The following PRR5L variants were observed in gnomAD, a reference collection of about 807,000 sequenced individuals.
PRR5L encodes proline-rich protein 5-like.
In PRR5L, 21 loss-of-function variants were observed where a neutral mutation model predicts 36.4. The observed-to-expected ratio is 0.58, with a 90% CI of 0.41 to 0.83. PRR5L has a LOEUF of 0.83. Among genes scored for constraint, PRR5L ranks in the 40% least tolerant of loss-of-function variants. PRR5L has a pLI of 0.00. For missense variants in PRR5L, 381 were observed against 473.3 expected (o/e 0.80, Z 1.81); for synonymous variants, 188 against 197.0 (o/e 0.95, Z 0.38).
intron 1 of PRR5L, among the ~76,000 whole-genome samples, chr11:36,375,432 C>T (rs1857244985): frequency 1.3e-5 from 2 of 152,072 alleles, no homozygotes; most frequent in Admixed American, 1.3e-4. Context: ...CCCACAACCA[C>T]CGTAACACAT....
At chr11:36,425,282 C>G (rs1335437264) in intron 4 of PRR5L, among the ~76,000 whole-genome samples, 1 of 152,182 alleles carries the variant, frequency 6.6e-6, no homozygotes, top group Non-Finnish European at 1.5e-5. Context: ...GCCACTGAGG[C>G]TCAGAGATGG....
At chr11:36,376,291 A>G in intron 1 of PRR5L, 2 of 1,034,602 alleles carry the variant, frequency 1.9e-6, no homozygotes, top group South Asian at 3.4e-5. Context: ...GGACAGGAAA[A>G]GTGGGAGGAG....
At chr11:36,303,953 C>G (rs563241185) in intron 1 of PRR5L, among the ~76,000 whole-genome samples, 1 of 152,188 alleles carries the variant, frequency 6.6e-6, no homozygotes, top group Non-Finnish European at 1.5e-5. Flanking sequence ...CAGGAGCAGG[C>G]CTGTGTCTGC....
intron 1 of PRR5L, among the ~76,000 whole-genome samples, chr11:36,366,213 A>T (rs1163538817): frequency 3.3e-5 from 5 of 152,020 alleles, no homozygotes; most frequent in Non-Finnish European, 5.9e-5. Context: ...TTTAATCTCA[A>T]CTTCTTCATC....
chr11:36,374,105 C>CCT (rs761022162), intron 1 of PRR5L, among the ~76,000 whole-genome samples: 1,394 of 67,756 alleles, frequency 0.021, 35 homozygotes, highest in African/African-American at 0.046. Flanking sequence ...TTCCTTCCTT[C>CCT]CTCTCTCTCT....
At chr11:36,437,301 T>G in intron 5 of PRR5L, 84 bp from the exon 6 acceptor site, 1 of 932,444 alleles carries the variant, frequency 1.1e-6, no homozygotes, top group East Asian at 2.4e-5. Flanking sequence ...ACATTTTATG[T>G]GGAACTGTCT....
chr11:36,430,213 C>G (rs948691332), intron 4 of PRR5L, among the ~76,000 whole-genome samples: 8 of 152,062 alleles, frequency 5.3e-5, no homozygotes, highest in Middle Eastern at 3.2e-3. Flanking sequence ...AGTTCGAGAC[C>G]AGCCTGGCCA....
intron 1 of PRR5L, among the ~76,000 whole-genome samples, chr11:36,337,154 T>TG (rs1856776548): frequency 6.6e-6 from 1 of 152,198 alleles, no homozygotes; most frequent in South Asian, 2.1e-4. Flanking sequence ...CGCTGGGTCA[T>TG]GGGTCATTCC....
At position 36,397,443 on chromosome 11, in the gene PRR5L, CTTTTTTTTTTTTTTTT is replaced by C. The variant is rs34024197; in HGVS notation, c.-125-3539_-125-3524del. On this transcript the variant is annotated intron_variant, in intron 1 of 8. Coordinates refer to ENST00000530639, the MANE Select transcript of PRR5L (RefSeq NM_001160167.2). ...TTCATGTCAGCCAGGCAGCCGATGC[CTTTTTTTTTTTTTTTT>C]TTTTTTTTTTTTTTGAGAGAGAAGC... is the stretch of plus-strand genomic sequence containing the variant. Among the ~76,000 whole-genome samples the C allele has an allele frequency of 1.4e-4, 5 of 35,106 alleles. No individual in the cohort carries two copies. In the South Asian group the frequency reaches 5.0e-3, roughly 35 times the overall value. The allele number at this position is 35,106 out of a possible 152,430, so 23.0% of individuals were successfully genotyped here.
At chr11:36,328,638 T>G (rs535466719) in intron 1 of PRR5L, among the ~76,000 whole-genome samples, 158 of 152,258 alleles carry the variant, frequency 1.0e-3, no homozygotes, top group African/African-American at 3.7e-3. Flanking sequence ...TTACCCAGTC[T>G]CAGGTATTTC....
At chr11:36,320,013 C>T (rs1430291085) in intron 1 of PRR5L, among the ~76,000 whole-genome samples, 3 of 152,126 alleles carry the variant, frequency 2.0e-5, no homozygotes, top group Non-Finnish European at 4.4e-5. Context: ...GAGGCTGGAT[C>T]TACTCCATTA....
chr11:36,455,057 G>A (rs897847768), intron 8 of PRR5L, among the ~76,000 whole-genome samples: 1 of 152,174 alleles, frequency 6.6e-6, no homozygotes, highest in Non-Finnish European at 1.5e-5. Flanking sequence ...TCAGCAGCAC[G>A]CTCGACTTCT....
chr11:36,334,198 T>C (rs1393330387), intron 1 of PRR5L, among the ~76,000 whole-genome samples: 2 of 152,338 alleles, frequency 1.3e-5, no homozygotes, highest in East Asian at 3.9e-4. Flanking sequence ...GTAGTCTTTA[T>C]CCTGGATGGT....
At chr11:36,325,495 G>A (rs1369185635) in intron 1 of PRR5L, among the ~76,000 whole-genome samples, 1 of 152,262 alleles carries the variant, frequency 6.6e-6, no homozygotes, top group Non-Finnish European at 1.5e-5. Context: ...GACCCAAAGA[G>A]GGTAGCCGTT....
intron 1 of PRR5L, among the ~76,000 whole-genome samples, chr11:36,369,696 G>A (rs574729887): frequency 1.3e-5 from 2 of 152,154 alleles, no homozygotes; most frequent in South Asian, 4.1e-4. Flanking sequence ...CCAGGTTCAA[G>A]CGATTCTCCT....
At chr11:36,398,204 C>T (rs1013326850) in intron 1 of PRR5L, among the ~76,000 whole-genome samples, 4 of 152,220 alleles carry the variant, frequency 2.6e-5, no homozygotes, top group African/African-American at 9.6e-5. Context: ...ATAGCTCTCA[C>T]AGTCCTGGCT....
At chr11:36,340,458 T>C (rs1856807390) in intron 1 of PRR5L, among the ~76,000 whole-genome samples, 1 of 152,224 alleles carries the variant, frequency 6.6e-6, no homozygotes, top group Admixed American at 6.5e-5. Flanking sequence ...TGCGCATGCA[T>C]ATAACACTAT....
Position 36,427,645 on chromosome 11 carries a change from C to T in PRR5L, c.295-4208C>T, listed in dbSNP as rs1344333475. On this transcript the variant is annotated intron_variant, in intron 4 of 8. Transcript: ENST00000530639. ...AGGCTGGGTTTCGCCCCGCCTTCAA[C>T]CCATTTGAGCAGGCTTAAGCCCCAC... Among the ~76,000 whole-genome samples, 4 of 152,300 alleles carry T rather than the reference C, an allele frequency of 2.6e-5. No homozygotes were observed. In the South Asian group the frequency reaches 8.3e-4, roughly 32 times the overall value.
chr11:36,313,988 T>C (rs887540463), intron 1 of PRR5L, among the ~76,000 whole-genome samples: 1 of 152,222 alleles, frequency 6.6e-6, no homozygotes, highest in Non-Finnish European at 1.5e-5. Flanking sequence ...TTTGACCTAG[T>C]TATTTAAATT....
Sources: gnomAD v4.1 joint callset for allele counts (sites outside exome capture counted in the v4.1 genomes callset) on GRCh38, gnomAD v4.1.1 for gene constraint, MANE v1.5 for transcripts, NCBI Gene and HGNC (gene_info 2026-07-23, HGNC 2026-07-21) for gene names.